FHIT: variants seen among roughly 807,000 people sequenced by gnomAD.
FHIT encodes fragile histidine triad diadenosine triphosphatase.
FHIT carries 19 observed loss-of-function variants against 17.9 expected under a neutral mutation model. The observed-to-expected ratio is 1.06, with a 90% CI of 0.74 to 1.56. FHIT has a LOEUF of 1.56. Among genes scored for constraint, FHIT ranks in the 40% most tolerant of loss-of-function variants. FHIT has a pLI of 0.00. For missense variants in FHIT, 248 were observed against 189.2 expected (o/e 1.31, Z -1.82); for synonymous variants, 81 against 69.7 (o/e 1.16, Z -0.81).
intron 4 of FHIT, among the ~76,000 whole-genome samples, chr3:60,704,960 C>G (rs2041337011): frequency 6.6e-6 from 1 of 151,676 alleles, no homozygotes; most frequent in Non-Finnish European, 1.5e-5. Flanking sequence ...GCCACTCTGT[C>G]CAAGAGATAA....
intron 7 of FHIT, among the ~76,000 whole-genome samples, chr3:59,942,485 T>C (rs958940842): frequency 1.3e-5 from 2 of 152,084 alleles, no homozygotes; most frequent in Non-Finnish European, 2.9e-5. Context: ...AAGGAAGGCA[T>C]ATTTACGAGA....
At chr3:61,094,559 CTA>C (rs1381340487) in intron 2 of FHIT, among the ~76,000 whole-genome samples, 1 of 152,136 alleles carries the variant, frequency 6.6e-6, no homozygotes, top group African/African-American at 2.4e-5. Context: ...CCAAACAGTA[CTA>C]TGTTTCTCCT....
At chr3:61,152,999 C>A (rs573819562) in intron 2 of FHIT, among the ~76,000 whole-genome samples, 1 of 151,978 alleles carries the variant, frequency 6.6e-6, no homozygotes, top group African/African-American at 2.4e-5. Flanking sequence ...AAAAATCAGC[C>A]GGGCGTGGTG....
chr3:61,123,500 TA>T (rs148138483), intron 2 of FHIT, among the ~76,000 whole-genome samples: 6 of 149,064 alleles, frequency 4.0e-5, no homozygotes, highest in African/African-American at 9.9e-5. Flanking sequence ...TAAAGTATAA[TA>T]AAAAAAAAGG....
intron 5 of FHIT, among the ~76,000 whole-genome samples, chr3:60,073,070 T>C (rs989191810): frequency 1.3e-5 from 2 of 152,226 alleles, no homozygotes; most frequent in Admixed American, 1.3e-4. Context: ...TCTTCTTTCC[T>C]ATTGGGGGAA....
At chr3:60,424,973 T>C (rs17063058) in intron 5 of FHIT, among the ~76,000 whole-genome samples, 16,486 of 152,162 alleles carry the variant, frequency 0.11, 1,370 homozygotes, top group East Asian at 0.38. Flanking sequence ...CTATCTTCCC[T>C]TTAACATTAT....
At chr3:60,279,430 A>T (rs1250924531) in intron 5 of FHIT, among the ~76,000 whole-genome samples, 1 of 152,154 alleles carries the variant, frequency 6.6e-6, no homozygotes, top group Non-Finnish European at 1.5e-5. Flanking sequence ...TTCTAAAAAT[A>T]AATAATAAAT....
intron 8 of FHIT, among the ~76,000 whole-genome samples, chr3:59,835,323 A>G (rs1443184783): frequency 1.3e-5 from 2 of 152,146 alleles, no homozygotes; most frequent in Non-Finnish European, 2.9e-5. Context: ...TTTCTTCATC[A>G]ATGGAGCTTT....
intron 5 of FHIT, among the ~76,000 whole-genome samples, chr3:60,312,715 G>C (rs1709001411): frequency 6.6e-6 from 1 of 152,100 alleles, no homozygotes; most frequent in South Asian, 2.1e-4. Context: ...CTGCATCTGA[G>C]GGAGGACCTA....
chr3:60,773,186 A>G (rs1700103478), intron 4 of FHIT, among the ~76,000 whole-genome samples: 1 of 152,202 alleles, frequency 6.6e-6, no homozygotes, highest in Non-Finnish European at 1.5e-5. Flanking sequence ...TTACTCAAAT[A>G]TTCTAGGCAA....
intron 5 of FHIT, among the ~76,000 whole-genome samples, chr3:60,455,839 G>A (rs1431586487): frequency 6.6e-6 from 1 of 152,044 alleles, no homozygotes; most frequent in Non-Finnish European, 1.5e-5. Flanking sequence ...TTTAGGACTA[G>A]GCTGCTTTCA....
At chr3:60,578,810 A>G (rs1553658598) in intron 4 of FHIT, among the ~76,000 whole-genome samples, 3 of 152,280 alleles carry the variant, frequency 2.0e-5, no homozygotes, top group African/African-American at 7.2e-5. Context: ...AAATTAGTGT[A>G]TATGTGCCTA....
chr3:60,031,312 A>T (rs1209370557), intron 5 of FHIT, among the ~76,000 whole-genome samples: 1 of 152,254 alleles, frequency 6.6e-6, no homozygotes, highest in East Asian at 1.9e-4. Flanking sequence ...AAAAGAGATC[A>T]GTATGGCTGA....
chr3:60,058,203 G>T (rs750568848), intron 5 of FHIT, among the ~76,000 whole-genome samples: 18 of 128,372 alleles, frequency 1.4e-4, no homozygotes, highest in African/African-American at 5.3e-4. Context: ...GCAGTGGCTC[G>T]ACTCGATCTC....
intron 8 of FHIT, among the ~76,000 whole-genome samples, chr3:59,838,412 C>G (rs1304211390): frequency 2.6e-5 from 4 of 152,204 alleles, no homozygotes; most frequent in Non-Finnish European, 5.9e-5. Context: ...TATTCCCTCA[C>G]CCCCAGCTAC....
intron 5 of FHIT, among the ~76,000 whole-genome samples, chr3:60,232,634 T>C (rs1704555917): frequency 4.6e-5 from 7 of 152,136 alleles, no homozygotes; most frequent in Admixed American, 4.6e-4. Flanking sequence ...CCAGACTCAG[T>C]AGTGATCAGC....
Position 61,215,263 on chromosome 3 carries a change from C to A in FHIT, c.-212-14598G>T, listed in dbSNP as rs184810236. Among the ~76,000 whole-genome samples, 166 of 151,482 alleles carry A rather than the reference C, an allele frequency of 1.1e-3. 6 individuals are homozygous for A. The East Asian group carries it at 0.021, about 20-fold the overall frequency. On this transcript the variant is annotated intron_variant, in intron 1 of 9. Coordinates refer to ENST00000492590, the MANE Select transcript of FHIT (RefSeq NM_002012.4). ...ACATGATTGTATATCTAGAAAACCC[C>A]ATCACCTCAGCCCAAAATCTCCTTA... is the stretch of plus-strand genomic sequence containing the variant.
At chr3:60,075,177 C>G (rs957651415) in intron 5 of FHIT, among the ~76,000 whole-genome samples, 1 of 152,090 alleles carries the variant, frequency 6.6e-6, no homozygotes, top group Non-Finnish European at 1.5e-5. Flanking sequence ...TAAACTAGAG[C>G]TGCTGGGTCA....
chr3:60,246,618 G>A (rs370847977), intron 5 of FHIT, among the ~76,000 whole-genome samples: 68 of 152,224 alleles, frequency 4.5e-4, no homozygotes, highest in Middle Eastern at 6.8e-3. Flanking sequence ...GGGTGAGAGC[G>A]TAACTGTCTC....
Sources: gnomAD v4.1 joint callset for allele counts (sites outside exome capture counted in the v4.1 genomes callset) on GRCh38, gnomAD v4.1.1 for gene constraint, MANE v1.5 for transcripts, NCBI Gene and HGNC (gene_info 2026-07-23, HGNC 2026-07-21) for gene names.